FAM83G: variants seen among roughly 807,000 people sequenced by gnomAD.
FAM83G encodes the protein scaffolding CK1 anchoring protein G.
FAM83G carries 38 observed loss-of-function variants against 61.5 expected under a neutral mutation model. That is an observed-to-expected ratio of 0.62 (90% CI 0.48 to 0.81). The LOEUF is 0.81. FAM83G is among the 30% of genes least tolerant of loss of function. FAM83G has a pLI of 0.00. For synonymous variants in FAM83G, 470 were observed against 476.1 expected, an observed-to-expected ratio of 0.99 and a Z score of 0.17; for missense variants, 989 against 1,133.6, an observed-to-expected ratio of 0.87 and a Z score of 1.83.
intron 3 of FAM83G, among the ~76,000 whole-genome samples, chr17:18,986,676 G>A (rs1194932693): frequency 6.6e-6 from 1 of 152,254 alleles, no homozygotes; most frequent in African/African-American, 2.4e-5. Context: ...CGAGGCCTCT[G>A]GAGTGGCTGG....
chr17:19,003,553 C>T lies in FAM83G; in HGVS notation c.489G>A (p.Glu163=). 1 of 1,558,672 alleles carries T rather than the reference C, an allele frequency of 6.4e-7. No homozygotes were observed. The highest frequency in any genetic ancestry group is 8.7e-7 in the Non-Finnish European group (1 of 1,152,042). The part of the protein sequence containing the change: ...PPIDGQAHIK[E]VVRKMISQAQ... ...CCTGGCTGATCATCTTCCGCACCAC[C>T]TCTTTGATGTGGGCCTGCCCGTCTA... Residue 163 remains glutamate, a synonymous_variant, in exon 2 of 6, where the codon GAG becomes GAA. Transcript: ENST00000388995. The surrounding 1 kb of genome is among the most constrained non-coding windows in gnomAD (Gnocchi z 4.5).
Position 18,970,908 on chromosome 17 carries a change from T to G in FAM83G, c.*451A>C. On this transcript the variant is annotated 3_prime_UTR_variant, in exon 6 of 6. Coordinates refer to ENST00000388995, the MANE Select transcript of FAM83G (RefSeq NM_001039999.3). The stretch of plus-strand genomic sequence containing the variant: ...AAAGATGAGGTGGAAAAAACTCAAG[T>G]TTGATGCATCAGGAAGTTTCTTGTG... 1 of 1,045,922 alleles carries G rather than the reference T, an allele frequency of 9.6e-7. No individual in the cohort carries two copies. The highest frequency in any genetic ancestry group is 1.4e-6 in the Non-Finnish European group (1 of 692,730). 64.8% of individuals were successfully genotyped at this position (1,045,922 alleles called of 1,614,324 possible).
intron 3 of FAM83G, among the ~76,000 whole-genome samples, chr17:18,984,215 C>A (rs532658060): frequency 3.1e-4 from 47 of 151,852 alleles, no homozygotes; most frequent in Non-Finnish European, 4.7e-4. Flanking sequence ...GGTGGCGGGC[C>A]CCTGTAGTCC....
chr17:18,990,559 G>A (rs2043390865), intron 2 of FAM83G, among the ~76,000 whole-genome samples: 1 of 152,204 alleles, frequency 6.6e-6, no homozygotes, highest in African/African-American at 2.4e-5. Context: ...CTTGGGCTGG[G>A]GGACGTGCCC....
Position 18,988,238 on chromosome 17 carries a change from C to T in FAM83G, c.690+9G>A. 1.9e-6 allele frequency: 3 copies of T among 1,605,146 alleles called. No individual in the cohort carries two copies. The highest frequency in any genetic ancestry group is 2.6e-6 in the Non-Finnish European group (3 of 1,172,924). ...TCCAGCCACCCAGGCAAGTGAGGAG[C>T]CTGCTCACCTTGAGGTGCCCCAGGT... On this transcript the variant is annotated intron_variant, in intron 3 of 5. Coordinates refer to ENST00000388995, the MANE Select transcript of FAM83G (RefSeq NM_001039999.3).
chr17:19,005,509 C>T (rs568612853), upstream of FAM83G, among the ~76,000 whole-genome samples: 5 of 152,318 alleles, frequency 3.3e-5, no homozygotes, highest in East Asian at 1.9e-4. Context: ...TCGCGTGCCG[C>T]AGCCAGTCTG....
At chr17:18,974,597 A>G (rs1168816115) in intron 5 of FAM83G, among the ~76,000 whole-genome samples, 1 of 152,222 alleles carries the variant, frequency 6.6e-6, no homozygotes, top group Non-Finnish European at 1.5e-5. Context: ...CAGTCATAAC[A>G]GCAACCACAG....
At chr17:18,973,503 G>A (rs554531292) in intron 5 of FAM83G, among the ~76,000 whole-genome samples, 28 of 152,256 alleles carry the variant, frequency 1.8e-4, no homozygotes, top group African/African-American at 6.3e-4. Context: ...TGGTGGATGC[G>A]GGGCCTCGGT....
intron 2 of FAM83G, among the ~76,000 whole-genome samples, chr17:18,990,664 T>C (rs762454762): frequency 2.0e-5 from 3 of 152,182 alleles, no homozygotes; most frequent in Non-Finnish European, 2.9e-5. Flanking sequence ...GTTGGATATG[T>C]TGGAGCCTGC....
Position 18,987,860 on chromosome 17 carries a change from T to C in FAM83G, c.690+387A>G, listed in dbSNP as rs150261741. 5.2e-4 allele frequency among the ~76,000 whole-genome samples: 79 copies of C among 152,176 alleles called. 1 individual carries two copies. The highest frequency in any genetic ancestry group is 1.8e-3 in the African/African-American group (73 of 41,514). On this transcript the variant is annotated intron_variant, in intron 3 of 5. Transcript: ENST00000388995. Reference sequence around the variant, plus strand: ...AACCCAAGAAAGGACTTCCTGGGAGTTGAAGCTCTCCAGAAAGGCCACGAG... The same window carrying C: ...AACCCAAGAAAGGACTTCCTGGGAGCTGAAGCTCTCCAGAAAGGCCACGAG...
Position 18,971,322 on chromosome 17 carries a change from G to C in FAM83G, c.*37C>G. 1.2e-6 allele frequency: 2 copies of C among 1,606,802 alleles called. No individual in the cohort carries two copies. Among genetic ancestry groups the C allele is most frequent in the Non-Finnish European group, 8.5e-7 (1 of 1,175,338 alleles). ...CCTCCGCGTCATGAGTCTGGGCTGG[G>C]GCCTCAGAAGGTGTGGCTCCAGGCT... On this transcript the variant is annotated 3_prime_UTR_variant, in exon 6 of 6. Coordinates refer to ENST00000388995, the MANE Select transcript of FAM83G (RefSeq NM_001039999.3). The surrounding 1 kb of genome is among the most constrained non-coding windows in gnomAD (Gnocchi z 5.5).
In FAM83G at chr17:18,977,836, T is replaced by C. The variant is rs905300005; in HGVS notation, c.1830A>G (p.Ser610=). 6.2e-7 allele frequency: 1 copy of C among 1,610,504 alleles called. No individual in the cohort carries two copies. The highest frequency in any genetic ancestry group is 2.2e-5 in the East Asian group (1 of 44,840). The change falls in exon 5 of 6, where the codon TCA becomes TCG. Residue 610 remains serine (S), a synonymous_variant. Coordinates refer to ENST00000388995, the MANE Select transcript of FAM83G (RefSeq NM_001039999.3). ...SGRGPGPRRP[S]VASSVSEEYF... is the part of the protein sequence containing the mutation. ...ACTCCTCTGACACAGAGGAAGCCAC[T>C]GAGGGCCGTCGGGGGCCAGGGCCAC... is the stretch of plus-strand genomic sequence containing the variant.
At chr17:18,985,333 A>G (rs1271706039) in intron 3 of FAM83G, among the ~76,000 whole-genome samples, 2 of 152,194 alleles carry the variant, frequency 1.3e-5, no homozygotes, top group African/African-American at 4.8e-5. Flanking sequence ...CAAGGTTACC[A>G]TGCAGGTGGC....
chr17:18,993,067 G>A (rs886283), intron 2 of FAM83G, among the ~76,000 whole-genome samples: 29,670 of 152,170 alleles, frequency 0.19, 3,618 homozygotes, highest in South Asian at 0.35. Flanking sequence ...GGGGTGGGGC[G>A]AGACGGGCTG....
At chr17:18,991,776 C>A (rs2043432453) in intron 2 of FAM83G, among the ~76,000 whole-genome samples, 1 of 152,240 alleles carries the variant, frequency 6.6e-6, no homozygotes, top group Non-Finnish European at 1.5e-5. Flanking sequence ...AGCCCAGCTC[C>A]CAAGTGAAGG....
Position 19,003,573 on chromosome 17 carries a change from C to A in FAM83G, c.469G>T (p.Gly157Trp). The A allele has an allele frequency of 6.3e-7, 1 of 1,585,866 alleles. No individual in the cohort carries two copies. Among genetic ancestry groups the A allele is most frequent in the Admixed American group, 1.8e-5 (1 of 55,316 alleles). Residue 157 changes from glycine to tryptophan, a missense_variant, in exon 2 of 6, where the codon GGG (glycine) becomes TGG (tryptophan). Around this residue, in one of 3 missense-constraint regions of FAM83G, gnomAD observed 371 missense variants for 404.5 expected, o/e 0.92. Coordinates refer to ENST00000388995, the MANE Select transcript of FAM83G (RefSeq NM_001039999.3). This position sits in a 1 kb window ranked among gnomAD's most constrained non-coding sequence, Gnocchi z 4.5. ...ACCACCTCTTTGATGTGGGCCTGCC[C>A]GTCTATGGGGGGCTGCATGTAGACG... is the stretch of plus-strand genomic sequence containing the variant. ...ASVYMQPPID[G>W]QAHIKEVVRK...
intron 2 of FAM83G, among the ~76,000 whole-genome samples, chr17:18,992,352 T>C (rs1470852141): frequency 2.0e-5 from 3 of 152,088 alleles, no homozygotes; most frequent in African/African-American, 7.2e-5. Context: ...TGGTGCTGCA[T>C]GGGGATCCCC....
chr17:18,970,210 G>C lies in FAM83G; in HGVS notation c.*1149C>G, dbSNP rs2042806701. 1 of 152,322 alleles carries C rather than the reference G, an allele frequency of 6.6e-6. No homozygotes were observed. Among genetic ancestry groups the C allele is most frequent in the South Asian group, 2.1e-4 (1 of 4,838 alleles). 9.4% of individuals were successfully genotyped at this position (152,322 alleles called of 1,614,324 possible). A position where few individuals can be genotyped will look rare whatever the true frequency, so the allele number is the denominator to read the frequency against. On this transcript the variant is annotated 3_prime_UTR_variant, in exon 6 of 6. Transcript: ENST00000388995. ...CCTCTTCCATGTCCCACTTGGAAAAGGCTAGGGAGTAGGGCCTGGGGTGGA... is the reference window on the plus strand; with the variant it reads ...CCTCTTCCATGTCCCACTTGGAAAACGCTAGGGAGTAGGGCCTGGGGTGGA...
At chr17:18,988,518 GT>G in intron 2 of FAM83G, 104 bp from the exon 3 acceptor site, 1 of 1,545,064 alleles carries the variant, frequency 6.5e-7, no homozygotes, top group Admixed American at 1.8e-5. Flanking sequence ...CCTCTCACAG[GT>G]GCCCACTCTG....
Sources: gnomAD v4.1 joint callset for allele counts (sites outside exome capture counted in the v4.1 genomes callset) on GRCh38, gnomAD v4.1.1 for gene constraint, gnomAD v4.1.1 regional missense constraint, Gnocchi (gnomAD v3.1) non-coding constraint, MANE v1.5 for transcripts, NCBI Gene and HGNC (gene_info 2026-07-23, HGNC 2026-07-21) for gene names.